FMN2: variants seen among roughly 807,000 people sequenced by gnomAD.
FMN2 encodes formin-2.
In FMN2, 51 loss-of-function variants were observed where a neutral mutation model predicts 142.3. That is an observed-to-expected ratio of 0.36 (90% CI 0.29 to 0.45). The LOEUF (loss-of-function observed/expected upper bound fraction) is 0.45. Ranked by LOEUF, FMN2 falls within the 20% of genes least tolerant of loss-of-function variation. FMN2 has a pLI of 1.00. For synonymous variants in FMN2, 882 were observed against 869.8 expected (o/e 1.01, Z -0.25); for missense variants, 1,936 against 2,122.8 (o/e 0.91, Z 1.73).
chr1:240,171,440 G>T, intron 2 of FMN2: 1 of 443,966 alleles, frequency 2.3e-6, no homozygotes, highest in Non-Finnish European at 4.2e-6. Flanking sequence ...ATCAAGGCAA[G>T]GATAATTCAG....
At chr1:240,174,140 C>T (rs936300844) in intron 2 of FMN2, among the ~76,000 whole-genome samples, 1 of 152,060 alleles carries the variant, frequency 6.6e-6, no homozygotes, top group African/African-American at 2.4e-5. Context: ...CATGAGGAAC[C>T]GAAGCTCAGG....
At chr1:240,361,974 AAATGCGAATACT>A (rs1250234603) in intron 14 of FMN2, among the ~76,000 whole-genome samples, 1 of 152,234 alleles carries the variant, frequency 6.6e-6, no homozygotes, top group Non-Finnish European at 1.5e-5. Context: ...AGAAAAGGGC[AAATGCGAATACT>A]CATAGCAGCA....
rs190663416 is a variant in FMN2 at position 240,121,684 on chromosome 1, T to C, written c.1616-1495T>C. On this transcript the variant is annotated intron_variant, in intron 1 of 17. Coordinates refer to ENST00000319653, the MANE Select transcript of FMN2 (RefSeq NM_020066.5). ...GATTACAGGGGTGAGCCACCGCGCC[T>C]GGCCCAGTGTCTTCTTATTATGCCT... is the stretch of plus-strand genomic sequence containing the variant. Among the ~76,000 whole-genome samples the C allele has an allele frequency of 4.5e-5, 6 of 131,938 alleles. No homozygotes were observed. The Admixed American group carries it at 5.3e-4, about 12-fold the overall frequency. The allele number at this position is 131,938 out of a possible 152,430, so 86.6% of individuals were successfully genotyped here.
chr1:240,130,881 C>T (rs760487476), intron 2 of FMN2, among the ~76,000 whole-genome samples: 7 of 151,974 alleles, frequency 4.6e-5, no homozygotes, highest in African/African-American at 7.3e-5. Flanking sequence ...TTATGACTTC[C>T]GCTTGTACTT....
In FMN2 at chr1:240,239,090, A is replaced by G. The variant is rs116823071; in HGVS notation, c.4066-18855A>G. 3.0e-3 allele frequency among the ~76,000 whole-genome samples: 457 copies of G among 152,334 alleles called. 4 individuals are homozygous for G. The highest frequency in any genetic ancestry group is 0.011 in the African/African-American group (447 of 41,582). ...AATAATTAAATGAACTCTATACTTG[A>G]GTTTCGTTCACTTTACTATAGAATA... On this transcript the variant is annotated intron_variant, in intron 6 of 17. Coordinates refer to ENST00000319653, the MANE Select transcript of FMN2 (RefSeq NM_020066.5).
intron 6 of FMN2, among the ~76,000 whole-genome samples, chr1:240,220,667 TTGTGTGTG>T (rs71792127): frequency 3.4e-4 from 51 of 149,196 alleles, no homozygotes; most frequent in African/African-American, 9.9e-4. Context: ...GAGTCTGTGT[TTGTGTGTG>T]TGTGTGTGTG....
intron 15 of FMN2, among the ~76,000 whole-genome samples, chr1:240,402,011 G>A (rs935894827): frequency 2.0e-5 from 3 of 152,216 alleles, no homozygotes; most frequent in African/African-American, 7.2e-5. Context: ...GCTTCTTCAA[G>A]TGTGGCTCCT....
At chr1:240,295,202 A>ACG (rs200855339) in intron 8 of FMN2, among the ~76,000 whole-genome samples, 21,608 of 106,586 alleles carry the variant, frequency 0.2, 1,666 homozygotes, top group African/African-American at 0.27. Context: ...ACACACACAC[A>ACG]CACACACACA....
intron 7 of FMN2, among the ~76,000 whole-genome samples, chr1:240,279,929 G>C (rs1669344049): frequency 6.6e-6 from 1 of 152,068 alleles, no homozygotes; most frequent in Admixed American, 6.6e-5. Flanking sequence ...CAAAGGGAGG[G>C]TGATAAATAT....
Position 240,427,171 on chromosome 1 carries a change from T to TTTTATATATATATATATATATATATATA in FMN2, c.4911-10889_4911-10888insTTATATATATATATATATATATATATAT, listed in dbSNP as rs1222415126. ...TAGTTCATGTATGTTACAACTGATTTTATATATATATATATATATATGGTT... is the reference window on the plus strand; with the variant it reads ...TAGTTCATGTATGTTACAACTGATTTTTTATATATATATATATATATATATATATATATATATATATATATATATGGTT... On this transcript the variant is annotated intron_variant, in intron 15 of 17. Transcript: ENST00000319653. Among the ~76,000 whole-genome samples the TTTTATATATATATATATATATATATATA allele has an allele frequency of 5.3e-4, 72 of 136,906 alleles. 1 individual carries two copies. Among genetic ancestry groups the TTTTATATATATATATATATATATATATA allele is most frequent in the African/African-American group, 2.2e-3 (67 of 31,072 alleles). 89.8% of individuals were successfully genotyped at this position (136,906 alleles called of 152,430 possible).
At chr1:240,187,578 A>G (rs1665532423) in intron 3 of FMN2, among the ~76,000 whole-genome samples, 2 of 152,134 alleles carry the variant, frequency 1.3e-5, no homozygotes, top group Admixed American at 1.3e-4. Context: ...TTAAATTTGC[A>G]CACAAGCTTC....
intron 15 of FMN2, among the ~76,000 whole-genome samples, chr1:240,394,743 G>A (rs1426035569): frequency 2.0e-5 from 3 of 152,198 alleles, no homozygotes; most frequent in South Asian, 4.1e-4. Flanking sequence ...CAAGACGGGT[G>A]AATCACCTGA....
At chr1:240,417,018 C>G (rs555221033) in intron 15 of FMN2, among the ~76,000 whole-genome samples, 2 of 151,562 alleles carry the variant, frequency 1.3e-5, no homozygotes, top group East Asian at 3.9e-4. Flanking sequence ...GTTATTTTCT[C>G]TTTAGCTGAT....
chr1:240,343,922 A>G (rs1005680472), intron 13 of FMN2, among the ~76,000 whole-genome samples: 2 of 152,186 alleles, frequency 1.3e-5, no homozygotes. Flanking sequence ...AGGAGGAGAG[A>G]GAGAGGCATT....
chr1:240,303,475 TA>T (rs1228094218), intron 8 of FMN2, among the ~76,000 whole-genome samples: 2 of 152,226 alleles, frequency 1.3e-5, no homozygotes, highest in Non-Finnish European at 2.9e-5. Flanking sequence ...ACTTTGAATA[TA>T]TCAGACCACT....
At position 240,092,514 on chromosome 1, in the gene FMN2, T is replaced by C. The variant is rs1661018913; in HGVS notation, c.405T>C (p.Cys135=). 6.2e-7 allele frequency: 1 copy of C among 1,608,482 alleles called. No homozygotes were observed. Among genetic ancestry groups the C allele is most frequent in the African/African-American group, 1.3e-5 (1 of 74,760 alleles). The change falls in exon 1 of 18, where the codon TGT becomes TGC. Residue 135 remains cysteine (C), a synonymous_variant. Transcript: ENST00000319653. ...ADEAGLSDTE[C]ADPFEVTGPG... is the part of the protein sequence containing the mutation. ...AGGCCGGCCTGTCGGATACCGAGTGTGCGGACCCTTTTGAGGTGACCGGTC... is the reference window on the plus strand; with the variant it reads ...AGGCCGGCCTGTCGGATACCGAGTGCGCGGACCCTTTTGAGGTGACCGGTC...
At chr1:240,284,898 A>T (rs540411138) in intron 7 of FMN2, among the ~76,000 whole-genome samples, 27 of 152,174 alleles carry the variant, frequency 1.8e-4, no homozygotes, top group African/African-American at 6.5e-4. Context: ...ACGTGATTCT[A>T]TGGTTTTTGT....
chr1:240,460,868 C>T (rs549800414), intron 16 of FMN2, among the ~76,000 whole-genome samples: 1 of 152,240 alleles, frequency 6.6e-6, no homozygotes, highest in African/African-American at 2.4e-5. Flanking sequence ...CAAACATTGT[C>T]ACCATCACCT....
intron 14 of FMN2, among the ~76,000 whole-genome samples, chr1:240,372,982 C>G (rs1310431126): frequency 6.6e-6 from 1 of 152,082 alleles, no homozygotes; most frequent in Non-Finnish European, 1.5e-5. Flanking sequence ...GTCAGGTATA[C>G]GAGACCAGCC....
Sources: gnomAD v4.1 joint callset for allele counts (sites outside exome capture counted in the v4.1 genomes callset) on GRCh38, gnomAD v4.1.1 for gene constraint, MANE v1.5 for transcripts, NCBI Gene and HGNC (gene_info 2026-07-23, HGNC 2026-07-21) for gene names.